The following PLXDC2 variants were observed in gnomAD, a reference collection of about 807,000 sequenced individuals.
The protein encoded by PLXDC2 is plexin domain-containing protein 2.
Under a neutral mutation model 68.9 loss-of-function variants are expected in PLXDC2, and 40 were observed. The ratio of observed to expected loss-of-function variants is 0.58; its 90% CI spans 0.45 to 0.76. The LOEUF (loss-of-function observed/expected upper bound fraction) is 0.76, where lower values mean the gene tolerates loss of function less well. Among genes scored for constraint, PLXDC2 ranks in the 30% least tolerant of loss-of-function variants. PLXDC2 has a pLI of 0.00. For synonymous variants in PLXDC2, 243 were observed against 234.2 expected, an observed-to-expected ratio of 1.04 and a Z score of -0.34; for missense variants, 644 against 661.9, an observed-to-expected ratio of 0.97 and a Z score of 0.30.
chr10:19,860,397 A>C (rs1035579205), intron 1 of PLXDC2, among the ~76,000 whole-genome samples: 1 of 152,212 alleles, frequency 6.6e-6, no homozygotes, highest in Admixed American at 6.5e-5. Context: ...TATTGTGCCT[A>C]GTGCACTTCA....
intron 2 of PLXDC2, among the ~76,000 whole-genome samples, chr10:20,028,727 T>C (rs1986635): frequency 0.71 from 108,368 of 152,048 alleles, 39,442 homozygotes; most frequent in East Asian, 0.9. Flanking sequence ...TCTTTTGCTC[T>C]TGTTGGTAAC....
At chr10:20,182,071 T>TTTTGTGTGTGTG (rs1554772999) in intron 9 of PLXDC2, among the ~76,000 whole-genome samples, 3 of 146,456 alleles carry the variant, frequency 2.0e-5, no homozygotes, top group African/African-American at 5.1e-5. Flanking sequence ...AACCGGTTAT[T>TTTTGTGTGTGTG]TGTGTGTGTG....
chr10:20,267,075 A>T (rs1835880983), intron 13 of PLXDC2, among the ~76,000 whole-genome samples: 1 of 152,218 alleles, frequency 6.6e-6, no homozygotes, highest in Admixed American at 6.5e-5. Flanking sequence ...GCTTGAAAAG[A>T]TAAACAACTC....
At chr10:19,974,200 T>A (rs534852940) in intron 1 of PLXDC2, among the ~76,000 whole-genome samples, 64 of 152,384 alleles carry the variant, frequency 4.2e-4, no homozygotes, top group African/African-American at 1.4e-3. Context: ...GCTGTTCCTT[T>A]AAGTAGGATT....
intron 1 of PLXDC2, among the ~76,000 whole-genome samples, chr10:19,955,182 T>A (rs1834049586): frequency 6.8e-6 from 1 of 147,932 alleles, no homozygotes; most frequent in Admixed American, 6.7e-5. Context: ...TGCACCACTA[T>A]GCCCAGCTCA....
chr10:19,859,780 A>G (rs1469783024), intron 1 of PLXDC2, among the ~76,000 whole-genome samples: 3 of 152,144 alleles, frequency 2.0e-5, no homozygotes, highest in Non-Finnish European at 4.4e-5. Flanking sequence ...CGCCCAAGCT[A>G]GAGTGCAGTG....
intron 1 of PLXDC2, among the ~76,000 whole-genome samples, chr10:19,903,296 G>A (rs183483620): frequency 1.7e-3 from 248 of 150,190 alleles, no homozygotes; most frequent in African/African-American, 5.8e-3. Flanking sequence ...CTGTGAATCT[G>A]TGTGGTCCTG....
intron 2 of PLXDC2, among the ~76,000 whole-genome samples, chr10:20,002,728 T>C (rs1236717369): frequency 1.3e-5 from 2 of 152,060 alleles, no homozygotes; most frequent in African/African-American, 4.8e-5. Flanking sequence ...GGCATTTAGA[T>C]GGGGGCTTGA....
At chr10:20,069,121 G>A (rs1836273040) in intron 4 of PLXDC2, among the ~76,000 whole-genome samples, 1 of 152,110 alleles carries the variant, frequency 6.6e-6, no homozygotes, top group Non-Finnish European at 1.5e-5. Context: ...CTTACCAGGG[G>A]TCTTCTGGAT....
intron 1 of PLXDC2, among the ~76,000 whole-genome samples, chr10:19,905,655 C>T (rs1412517728): frequency 6.6e-6 from 1 of 152,194 alleles, no homozygotes; most frequent in Non-Finnish European, 1.5e-5. Flanking sequence ...AGAAAATTCT[C>T]AATTGCACTC....
intron 6 of PLXDC2, among the ~76,000 whole-genome samples, chr10:20,162,370 G>C (rs895763540): frequency 6.6e-6 from 1 of 152,120 alleles, no homozygotes; most frequent in Non-Finnish European, 1.5e-5. Flanking sequence ...TATGGGAAAA[G>C]AAGACAAGCA....
At chr10:20,156,458 C>CT (rs1366958942) in intron 6 of PLXDC2, among the ~76,000 whole-genome samples, 2 of 152,184 alleles carry the variant, frequency 1.3e-5, no homozygotes, top group East Asian at 3.9e-4. Context: ...AAGCCCTTGT[C>CT]TTGCAAATAT....
chr10:20,189,481 A>ATATATATATG (rs1834732006), intron 9 of PLXDC2, among the ~76,000 whole-genome samples: 1 of 116,450 alleles, frequency 8.6e-6, no homozygotes, highest in Non-Finnish European at 1.9e-5. Flanking sequence ...TAGGCCATAT[A>ATATATATATG]TATATATATA....
At chr10:20,164,907 C>G (rs901951937) in intron 7 of PLXDC2, among the ~76,000 whole-genome samples, 9 of 152,132 alleles carry the variant, frequency 5.9e-5, no homozygotes, top group Non-Finnish European at 1.2e-4. Context: ...CCTTGACCTC[C>G]CAGGCTCAAA....
intron 1 of PLXDC2, among the ~76,000 whole-genome samples, chr10:19,947,364 G>A (rs957123196): frequency 2.0e-5 from 3 of 152,176 alleles, no homozygotes; most frequent in African/African-American, 4.8e-5. Flanking sequence ...TGCAGTAGTT[G>A]TAAAAACAGA....
At chr10:20,044,203 CTCTCTCTGTCTTTCTTTCTTTCTTT>C (rs1835740539) in intron 2 of PLXDC2, among the ~76,000 whole-genome samples, 10 of 131,304 alleles carry the variant, frequency 7.6e-5, no homozygotes, top group African/African-American at 3.0e-4. Context: ...CTCTCTCTCT[CTCTCTCTGTCTTTCTTTCTTTCTTT>C]CTTTCTTTCT....
At chr10:19,987,084 T>C (rs1834654010) in intron 1 of PLXDC2, among the ~76,000 whole-genome samples, 1 of 152,158 alleles carries the variant, frequency 6.6e-6, no homozygotes, top group African/African-American at 2.4e-5. Context: ...AATTGAAACA[T>C]AAATGGAGCA....
rs1309896580 is a variant in PLXDC2, at chr10:20,238,673, A to G, written c.1313-6672A>G. Among the ~76,000 whole-genome samples, 3 of 122,726 alleles carry G rather than the reference A, an allele frequency of 2.4e-5. No homozygotes were observed. In the South Asian group the frequency reaches 7.9e-4, roughly 33 times the overall value. The allele number at this position is 122,726 out of a possible 152,430, so 80.5% of individuals were successfully genotyped here. ...TCCATCTCAAAAAAAATATATATAT[A>G]TATGTATATATATATATATACACAC... is the stretch of plus-strand genomic sequence containing the variant. On this transcript the variant is annotated intron_variant, in intron 12 of 13. Transcript: ENST00000377252.
At chr10:20,259,318 T>G (rs1233570119) in intron 13 of PLXDC2, among the ~76,000 whole-genome samples, 1 of 152,204 alleles carries the variant, frequency 6.6e-6, no homozygotes, top group Non-Finnish European at 1.5e-5. Context: ...GGAAAGTGAT[T>G]TAACAGTAAA....
Sources: allele counts gnomAD v4.1 joint callset (sites outside exome capture counted in the v4.1 genomes callset), GRCh38; gene constraint gnomAD v4.1.1; transcripts MANE v1.5; gene names NCBI Gene and HGNC (gene_info 2026-07-23, HGNC 2026-07-21).